IRS1: variants seen among roughly 807,000 people sequenced by gnomAD.
IRS1 encodes insulin receptor substrate 1.
IRS1 carries 34 observed loss-of-function variants against 65.6 expected under a neutral mutation model. The observed-to-expected ratio is 0.52, with a 90% CI of 0.39 to 0.69. IRS1 has a LOEUF of 0.69. IRS1 is among the 30% of genes least tolerant of loss of function. IRS1 has a pLI of 0.00. For missense variants in IRS1, 1,641 were observed against 1,720.2 expected, an observed-to-expected ratio of 0.95 and a Z score of 0.81; for synonymous variants, 699 against 683.5, an observed-to-expected ratio of 1.02 and a Z score of -0.35.
chr2:226,751,274 ATTT>A (rs35699614), intron 1 of IRS1, among the ~76,000 whole-genome samples: 3,266 of 77,104 alleles, frequency 0.042, 53 homozygotes, highest in African/African-American at 0.12. Context: ...CCACACGGGT[ATTT>A]TTTTTTTTTT....
intron 1 of IRS1, among the ~76,000 whole-genome samples, chr2:226,755,611 TG>T (rs2106164441): frequency 6.6e-6 from 1 of 152,358 alleles, no homozygotes; most frequent in African/African-American, 2.4e-5. Flanking sequence ...AAGTTAAACT[TG>T]GGTGCTCTGA....
rs578076173 is a variant in IRS1 at position 226,744,244 on chromosome 2, G to A, written c.*22-7994C>T. 4.6e-5 allele frequency among the ~76,000 whole-genome samples: 7 copies of A among 152,284 alleles called. No homozygotes were observed. The East Asian group carries it at 9.6e-4, about 21-fold the overall frequency. On this transcript the variant is annotated intron_variant, in intron 1 of 1. Coordinates refer to ENST00000305123, the MANE Select transcript of IRS1 (RefSeq NM_005544.3). ...ACCGCAAGTTTTAGCTAGAGTCCCC[G>A]ATAATATGGGTTGTGGTTCACTTTA... is the stretch of plus-strand genomic sequence containing the variant.
At position 226,735,304 on chromosome 2, in the gene IRS1, G is replaced by C. The variant is rs1275880330; in HGVS notation, c.*968C>G. 1 of 152,120 alleles carries C rather than the reference G, an allele frequency of 6.6e-6. No homozygotes were observed. Among genetic ancestry groups the C allele is most frequent in the African/African-American group, 2.4e-5 (1 of 41,416 alleles). The allele number at this position is 152,120 out of a possible 1,614,324, so 9.4% of individuals were successfully genotyped here. On this transcript the variant is annotated 3_prime_UTR_variant, in exon 2 of 2. Coordinates refer to ENST00000305123, the MANE Select transcript of IRS1 (RefSeq NM_005544.3). ...ACGCCCACATTGTTCATTCCAAAGA[G>C]AGCTTTTGAATTGAAGGAATCACCC...
intron 1 of IRS1, among the ~76,000 whole-genome samples, chr2:226,789,106 A>C (rs899586419): frequency 3.9e-5 from 6 of 152,362 alleles, no homozygotes; most frequent in Non-Finnish European, 8.8e-5. Flanking sequence ...CTTTAAAACA[A>C]AACAAAACCT....
chr2:226,788,662 A>G (rs373452911), intron 1 of IRS1, among the ~76,000 whole-genome samples: 2 of 152,234 alleles, frequency 1.3e-5, no homozygotes, highest in Non-Finnish European at 2.9e-5. Flanking sequence ...AGACAAAAAT[A>G]GAAGCAAATA....
chr2:226,732,777 C>G lies in IRS1; in HGVS notation c.*3495G>C, dbSNP rs1214299060. ...ACTAACATTCATCATTCATGGCATC[C>G]TAGGAACATTAACTCCCCTGTCAAG... On this transcript the variant is annotated 3_prime_UTR_variant, in exon 2 of 2. Coordinates refer to ENST00000305123, the MANE Select transcript of IRS1 (RefSeq NM_005544.3). 2 of 151,576 alleles carry G rather than the reference C, an allele frequency of 1.3e-5. No individual in the cohort carries two copies. The highest frequency in any genetic ancestry group is 3.9e-4 in the East Asian group (2 of 5,172). 9.4% of individuals were successfully genotyped at this position (151,576 alleles called of 1,614,324 possible).
At position 226,795,186 on chromosome 2, in the gene IRS1, C is replaced by T; in HGVS notation, c.3553G>A (p.Val1185Ile). ...NGLNYIDLDL[V>I]KDFKQCPQEC... ...TGAGGGCACTGTTTGAAGTCCTTGA[C>T]CAAATCCAGGTCTATGTAGTTAAGA... The change falls in exon 1 of 2, where the codon GTC becomes ATC. Residue 1185 changes from valine to isoleucine, a missense_variant. Physicochemically the swap from Val to Ile is conservative, Grantham distance 29. This residue lies in a region of IRS1 where 1,324 missense variants were observed against 1,361.0 expected (regional missense o/e 0.97). Transcript: ENST00000305123. 6.2e-7 allele frequency: 1 copy of T among 1,613,986 alleles called. No homozygotes were observed. The highest frequency in any genetic ancestry group is 1.1e-5 in the South Asian group (1 of 91,082).
intron 1 of IRS1, among the ~76,000 whole-genome samples, chr2:226,764,209 G>A (rs899158479): frequency 1.2e-4 from 18 of 151,168 alleles, no homozygotes; most frequent in Admixed American, 6.6e-4. Context: ...TAGAAACATC[G>A]AAGGATCACT....
At chr2:226,778,654 A>C (rs1939322842) in intron 1 of IRS1, among the ~76,000 whole-genome samples, 1 of 152,232 alleles carries the variant, frequency 6.6e-6, no homozygotes, top group Admixed American at 6.5e-5. Flanking sequence ...ACTACCATCC[A>C]AAGCTGCAAC....
chr2:226,788,739 G>A (rs1042882319), intron 1 of IRS1, among the ~76,000 whole-genome samples: 15 of 152,064 alleles, frequency 9.9e-5, no homozygotes, highest in African/African-American at 3.6e-4. Flanking sequence ...TGTCATATTA[G>A]TTTGAAATTA....
At chr2:226,739,501 C>T (rs1938395057) in intron 1 of IRS1, among the ~76,000 whole-genome samples, 1 of 152,176 alleles carries the variant, frequency 6.6e-6, no homozygotes, top group Non-Finnish European at 1.5e-5. Flanking sequence ...CACGTTTGAT[C>T]TTTGGAGACA....
intron 1 of IRS1, among the ~76,000 whole-genome samples, chr2:226,785,801 G>T (rs1405902962): frequency 6.6e-6 from 1 of 151,200 alleles, no homozygotes; most frequent in African/African-American, 2.4e-5. Context: ...GTGCAGGTTA[G>T]TTACATATGT....
rs1938304363 is a variant in IRS1 at position 226,735,289 on chromosome 2, T to G, written c.*983A>C. On this transcript the variant is annotated 3_prime_UTR_variant, in exon 2 of 2. Transcript: ENST00000305123. ...TTCCAGAATTTACAAACGCCCACATTGTTCATTCCAAAGAGAGCTTTTGAA... is the reference window on the plus strand; with the variant it reads ...TTCCAGAATTTACAAACGCCCACATGGTTCATTCCAAAGAGAGCTTTTGAA... 6.6e-6 allele frequency: 1 copy of G among 152,190 alleles called. No individual in the cohort carries two copies. Among genetic ancestry groups the G allele is most frequent in the African/African-American group, 2.4e-5 (1 of 41,436 alleles). 9.4% of individuals were successfully genotyped at this position (152,190 alleles called of 1,614,324 possible). A position where few individuals can be genotyped will look rare whatever the true frequency, so the allele number is the denominator to read the frequency against.
In IRS1 at chr2:226,798,812, C is replaced by T. The variant is rs929520205; in HGVS notation, c.-74G>A. On this transcript the variant is annotated 5_prime_UTR_variant, in exon 1 of 2. Transcript: ENST00000305123. This position sits in a 1 kb window ranked among gnomAD's most constrained non-coding sequence, Gnocchi z 9.4. ...AACCGGGTGGGGGGCGGAGGCTCCTCGCCGCGGCCCGGCACATGCAAACAG... is the reference window on the plus strand; with the variant it reads ...AACCGGGTGGGGGGCGGAGGCTCCTTGCCGCGGCCCGGCACATGCAAACAG... 2.3e-5 allele frequency: 35 copies of T among 1,553,200 alleles called. No individual in the cohort carries two copies. The highest frequency in any genetic ancestry group is 5.5e-5 in the African/African-American group (4 of 73,136).
At chr2:226,767,588 A>G (rs780408467) in intron 1 of IRS1, among the ~76,000 whole-genome samples, 5 of 152,236 alleles carry the variant, frequency 3.3e-5, no homozygotes, top group Non-Finnish European at 5.9e-5. Context: ...TGGGTGGCCA[A>G]GCATCCAGAC....
At chr2:226,737,163 A>G (rs531043459) in intron 1 of IRS1, among the ~76,000 whole-genome samples, 63 of 142,030 alleles carry the variant, frequency 4.4e-4, no homozygotes, top group African/African-American at 1.3e-3. Context: ...TCATTGTTCA[A>G]TTCCCACCTA....
intron 1 of IRS1, among the ~76,000 whole-genome samples, chr2:226,762,048 C>A (rs1412352698): frequency 6.6e-6 from 1 of 152,146 alleles, no homozygotes; most frequent in Non-Finnish European, 1.5e-5. Context: ...TACAACATAG[C>A]CCTTGCTCAT....
rs182180078 is a variant in IRS1 at position 226,732,141 on chromosome 2, T to C, written c.*4131A>G. On this transcript the variant is annotated 3_prime_UTR_variant, in exon 2 of 2. Transcript: ENST00000305123. ...CTCGAGTAGGGTTAAGCACCTCCAA[T>C]ATCATTCCACCTCCTCCCTGCCCCT... The C allele has an allele frequency of 1.3e-5, 2 of 152,246 alleles. No homozygotes were observed. Among genetic ancestry groups the C allele is most frequent in the African/African-American group, 2.4e-5 (1 of 41,540 alleles). 9.4% of individuals were successfully genotyped at this position (152,246 alleles called of 1,614,324 possible). A position where few individuals can be genotyped will look rare whatever the true frequency, so the allele number is the denominator to read the frequency against.
At chr2:226,773,736 C>T (rs1245646512) in intron 1 of IRS1, among the ~76,000 whole-genome samples, 1 of 152,016 alleles carries the variant, frequency 6.6e-6, no homozygotes, top group Admixed American at 6.6e-5. Flanking sequence ...CCTACACCAT[C>T]GCCTGCCCCT....
Sources: gnomAD v4.1 joint callset for allele counts (sites outside exome capture counted in the v4.1 genomes callset) on GRCh38, gnomAD v4.1.1 for gene constraint, gnomAD v4.1.1 regional missense constraint, Gnocchi (gnomAD v3.1) non-coding constraint, MANE v1.5 for transcripts, NCBI Gene and HGNC (gene_info 2026-07-23, HGNC 2026-07-21) for gene names.